The following FGFR2 variants were observed in gnomAD, a reference collection of about 807,000 sequenced individuals.
FGFR2 encodes fibroblast growth factor receptor 2.
In FGFR2, 19 loss-of-function variants were observed where a neutral mutation model predicts 95.9. That is an observed-to-expected ratio of 0.20 (90% CI 0.14 to 0.29). The LOEUF (loss-of-function observed/expected upper bound fraction) is 0.29. Ranked by LOEUF, FGFR2 falls within the 10% of genes least tolerant of loss-of-function variation. The pLI, the probability that FGFR2 is intolerant of heterozygous loss-of-function variation, is 1.00. For missense variants in FGFR2, 707 were observed against 1,056.9 expected, an observed-to-expected ratio of 0.67 and a Z score of 4.59; for synonymous variants, 392 against 393.3, an observed-to-expected ratio of 1.00 and a Z score of 0.04.
chr10:121,482,994 G>A (rs3135813), intron 17 of FGFR2, among the ~76,000 whole-genome samples: 8,278 of 152,062 alleles, frequency 0.054, 415 homozygotes, highest in African/African-American at 0.13. Context: ...ACAGGGTTTC[G>A]CCATGTTGGC....
At chr10:121,534,749 T>C (rs1852587309) in intron 6 of FGFR2, among the ~76,000 whole-genome samples, 1 of 152,140 alleles carries the variant, frequency 6.6e-6, no homozygotes, top group Admixed American at 6.5e-5. Context: ...TAATAAAAGC[T>C]ATTAAAGATC....
At chr10:121,544,150 G>T (rs1213179570) in intron 5 of FGFR2, among the ~76,000 whole-genome samples, 1 of 152,036 alleles carries the variant, frequency 6.6e-6, no homozygotes, top group Non-Finnish European at 1.5e-5. Flanking sequence ...CAGATGAATG[G>T]ATAAACAAAA....
At chr10:121,571,133 A>T (rs1162463091) in intron 2 of FGFR2, among the ~76,000 whole-genome samples, 2 of 145,672 alleles carry the variant, frequency 1.4e-5, no homozygotes, top group Admixed American at 6.9e-5. Flanking sequence ...GGACTACAGG[A>T]GCCTGCCACC....
rs2981575 is a variant in FGFR2 at position 121,586,602 on chromosome 10, G to A, written c.109+7107C>T. Among the ~76,000 whole-genome samples, 82,327 of 152,026 alleles carry A rather than the reference G, an allele frequency of 0.54. 22,754 individuals carry two copies. The highest frequency in any genetic ancestry group is 0.6 in the Non-Finnish European group (41,022 of 67,964). On this transcript the variant is annotated intron_variant, in intron 2 of 17. Coordinates refer to ENST00000358487, the MANE Select transcript of FGFR2 (RefSeq NM_000141.5). ...TAAATTACACATTCAGCATCTGAAAGCTCTTCCATGGTACCGGTTTCCCAA... is the reference window on the plus strand; with the variant it reads ...TAAATTACACATTCAGCATCTGAAAACTCTTCCATGGTACCGGTTTCCCAA...
At chr10:121,580,054 T>C (rs1289950261) in intron 2 of FGFR2, among the ~76,000 whole-genome samples, 3 of 152,182 alleles carry the variant, frequency 2.0e-5, no homozygotes, top group South Asian at 4.1e-4. Flanking sequence ...AAAGGTCAGA[T>C]AGATGTCCAG....
In FGFR2 at chr10:121,480,256, C is replaced by A. The variant is rs1013187526; in HGVS notation, c.2302-235G>T. On this transcript the variant is annotated intron_variant, in intron 17 of 17. Transcript: ENST00000358487. ...TTCCACGAAGACCTCCCTGAGACCA[C>A]GTCTGATGTACCCCAGGCTGTCCTT... is the stretch of plus-strand genomic sequence containing the variant. The A allele has an allele frequency of 4.9e-6, 3 of 608,874 alleles. No homozygotes were observed. The African/African-American group carries it at 5.5e-5, about 11-fold the overall frequency. The allele number at this position is 608,874 out of a possible 1,614,324, so 37.7% of individuals were successfully genotyped here. A position where few individuals can be genotyped will look rare whatever the true frequency, so the allele number is the denominator to read the frequency against.
intron 6 of FGFR2, among the ~76,000 whole-genome samples, chr10:121,520,588 T>G (rs942184298): frequency 6.6e-6 from 1 of 152,310 alleles, no homozygotes; most frequent in South Asian, 2.1e-4. Flanking sequence ...CAAGACTAAC[T>G]TTAAAGACAC....
chr10:121,485,658 T>G lies in FGFR2; in HGVS notation c.2058-126A>C. ...CAAAGACAAATGGGCCCTCCTGCAG[T>G]TCCTCCTATGTGCTCTTTCCTGCCC... On this transcript the variant is annotated intron_variant, in intron 15 of 17. Transcript: ENST00000358487. This position sits in a 1 kb window ranked among gnomAD's most constrained non-coding sequence, Gnocchi z 4.2. 1.2e-3 allele frequency: 1,210 copies of G among 1,001,404 alleles called. No individual in the cohort carries two copies. The highest frequency in any genetic ancestry group is 1.5e-3 in the Non-Finnish European group (988 of 663,246). The allele number at this position is 1,001,404 out of a possible 1,614,324, so 62.0% of individuals were successfully genotyped here. A position where few individuals can be genotyped will look rare whatever the true frequency, so the allele number is the denominator to read the frequency against.
chr10:121,558,071 G>A (rs914505921), intron 4 of FGFR2, among the ~76,000 whole-genome samples: 7 of 152,042 alleles, frequency 4.6e-5, no homozygotes, highest in African/African-American at 7.3e-5. Context: ...TGAACTTTTC[G>A]TCCATCATGA....
At chr10:121,565,406 A>T (rs1414350690) in intron 3 of FGFR2, 32 bp downstream of exon 3, 1 of 1,613,390 alleles carries the variant, frequency 6.2e-7, no homozygotes, top group Non-Finnish European at 8.5e-7. Context: ...GCTACAGAGA[A>T]GAGAGAGCAT....
At chr10:121,523,545 G>A (rs961628707) in intron 6 of FGFR2, among the ~76,000 whole-genome samples, 3 of 152,200 alleles carry the variant, frequency 2.0e-5, no homozygotes, top group African/African-American at 7.2e-5. Flanking sequence ...TTCACAGCAC[G>A]AGGGGAAGCT....
intron 9 of FGFR2, among the ~76,000 whole-genome samples, chr10:121,508,471 A>G (rs1041545639): frequency 3.9e-5 from 6 of 152,196 alleles, no homozygotes; most frequent in African/African-American, 1.2e-4. Context: ...TGGCTCACCC[A>G]TGACCCCAAA....
intron 5 of FGFR2, among the ~76,000 whole-genome samples, chr10:121,539,014 C>A (rs895152797): frequency 6.6e-6 from 1 of 152,218 alleles, no homozygotes; most frequent in Non-Finnish European, 1.5e-5. Context: ...GGCCAACTGG[C>A]CAGGGAGCCT....
chr10:121,565,956 C>A, intron 2 of FGFR2: 1 of 574,712 alleles, frequency 1.7e-6, no homozygotes, highest in Non-Finnish European at 3.1e-6. Context: ...TAGAAACAAA[C>A]CAAACCATAG....
chr10:121,594,273 C>G (rs781618567), intron 1 of FGFR2: 5 of 295,298 alleles, frequency 1.7e-5, no homozygotes, highest in Admixed American at 9.3e-5. Flanking sequence ...CTACTATCCA[C>G]TATCGCCTCC....
intron 13 of FGFR2, among the ~76,000 whole-genome samples, 186 bp from the exon 14 acceptor site, chr10:121,488,299 G>C (rs1367273747): frequency 6.6e-6 from 1 of 152,084 alleles, no homozygotes; most frequent in African/African-American, 2.4e-5. Flanking sequence ...CCAGCACTTT[G>C]GGAGGTCAAG....
At position 121,538,644 on chromosome 10, in the gene FGFR2, T is replaced by C. The variant is rs1047100; in HGVS notation, c.696A>G (p.Val232=). ...TGATGGACCCGTATTCATTCTCCACTACACAGGTATAATTTCCCTTGTCAG... is the reference window on the plus strand; with the variant it reads ...TGATGGACCCGTATTCATTCTCCACCACACAGGTATAATTTCCCTTGTCAG... ...VPSDKGNYTC[V]VENEYGSINH... The change falls in exon 6 of 18, where the codon GTA becomes GTG. Residue 232 remains valine (V), a synonymous_variant. Transcript: ENST00000358487. The C allele has an allele frequency of 0.78, 1,253,875 of 1,613,866 alleles. 488,287 individuals carry two copies. The highest frequency in any genetic ancestry group is 0.9 in the East Asian group (40,551 of 44,842).
intron 4 of FGFR2, among the ~76,000 whole-genome samples, chr10:121,554,764 A>G (rs1342400288): frequency 6.6e-6 from 1 of 152,116 alleles, no homozygotes; most frequent in African/African-American, 2.4e-5. Flanking sequence ...TAATAATACT[A>G]TAAGATAGCC....
intron 1 of FGFR2, 44 bp downstream of exon 1, chr10:121,597,918 C>T (rs1042834228): frequency 7.7e-6 from 3 of 389,882 alleles, no homozygotes; most frequent in African/African-American, 6.2e-5. Flanking sequence ...GCGCCCACGT[C>T]CCCGGCTGGC....
Sources: gnomAD v4.1 joint callset for allele counts (sites outside exome capture counted in the v4.1 genomes callset) on GRCh38, gnomAD v4.1.1 for gene constraint, Gnocchi (gnomAD v3.1) non-coding constraint, MANE v1.5 for transcripts, NCBI Gene and HGNC (gene_info 2026-07-23, HGNC 2026-07-21) for gene names.